PIKFYVE: variants seen among roughly 807,000 people sequenced by gnomAD.
The protein encoded by PIKFYVE is 1-phosphatidylinositol 3-phosphate 5-kinase.
Under a neutral mutation model 257.9 loss-of-function variants are expected in PIKFYVE, and 122 were observed. The ratio of observed to expected loss-of-function variants is 0.47; its 90% confidence interval spans 0.41 to 0.55. PIKFYVE has a LOEUF of 0.55. Among genes scored for constraint, PIKFYVE ranks in the 20% least tolerant of loss-of-function variants. PIKFYVE has a pLI of 0.00. For synonymous variants in PIKFYVE, 892 were observed against 868.9 expected, an observed-to-expected ratio of 1.03 and a Z score of -0.47; for missense variants, 2,160 against 2,536.6, an observed-to-expected ratio of 0.85 and a Z score of 3.19.
In PIKFYVE at chr2:208,321,057, A is replaced by G. The variant is rs118078222; in HGVS notation, c.2190+698A>G. Among the ~76,000 whole-genome samples the G allele has an allele frequency of 2.6e-4, 39 of 152,318 alleles. 1 individual carries two copies. In the East Asian group the frequency reaches 7.3e-3, roughly 29 times the overall value. ...CTTGAGGCAGCCTCATGCCATATGA[A>G]GCTCTCTGCCTGGGCTCTCCATGAT... is the stretch of plus-strand genomic sequence containing the variant. On this transcript the variant is annotated intron_variant, in intron 17 of 41. Transcript: ENST00000264380.
At chr2:208,349,632 G>C (rs529276636) in intron 35 of PIKFYVE, among the ~76,000 whole-genome samples, 2 of 151,378 alleles carry the variant, frequency 1.3e-5, no homozygotes, top group African/African-American at 4.8e-5. Flanking sequence ...ATATAGCTTA[G>C]TACATGATAA....
At position 208,325,875 on chromosome 2, in the gene PIKFYVE, G is replaced by A; in HGVS notation, c.3064G>A (p.Asp1022Asn). Residue 1022 changes from aspartate (D) to asparagine (N), a missense_variant, in exon 20 of 42, where the codon GAC becomes AAC. Coordinates refer to ENST00000264380, the MANE Select transcript of PIKFYVE (RefSeq NM_015040.4). ...IRAFRDPLQD[D>N]TGLYVTEEVT... ...AGCCTTTAGAGACCCTCTACAGGATGACACTGGATTATATGTTACTGAGGA... is the reference window on the plus strand; with the variant it reads ...AGCCTTTAGAGACCCTCTACAGGATAACACTGGATTATATGTTACTGAGGA... The A allele has an allele frequency of 6.2e-7, 1 of 1,614,064 alleles. No individual in the cohort carries two copies. Among genetic ancestry groups the A allele is most frequent in the Non-Finnish European group, 8.5e-7 (1 of 1,179,968 alleles).
At chr2:208,271,268 G>T (rs1574386390) in intron 1 of PIKFYVE, among the ~76,000 whole-genome samples, 1 of 152,176 alleles carries the variant, frequency 6.6e-6, no homozygotes, top group East Asian at 1.9e-4. Context: ...TCTATAATTT[G>T]AATAGTAATG....
intron 7 of PIKFYVE, among the ~76,000 whole-genome samples, chr2:208,293,891 T>G (rs1692633246): frequency 6.6e-6 from 1 of 152,164 alleles, no homozygotes; most frequent in Non-Finnish European, 1.5e-5. Context: ...GTTTTGCCTA[T>G]GTGTAGTTTT....
chr2:208,342,433 T>G, intron 31 of PIKFYVE, 121 bp from the exon 32 acceptor site: 1 of 740,312 alleles, frequency 1.4e-6, no homozygotes, highest in Non-Finnish European at 2.2e-6. Flanking sequence ...AAACTTTCTC[T>G]TGAAATCTTT....
chr2:208,350,515 C>G (rs1559176011), intron 36 of PIKFYVE, among the ~76,000 whole-genome samples: 1 of 151,546 alleles, frequency 6.6e-6, no homozygotes, highest in Non-Finnish European at 1.5e-5. Context: ...AGAACTGAGT[C>G]TTTTTTTTAT....
intron 5 of PIKFYVE, among the ~76,000 whole-genome samples, chr2:208,278,654 C>T (rs551683077): frequency 3.3e-5 from 5 of 152,130 alleles, no homozygotes; most frequent in South Asian, 2.1e-4. Context: ...TGAGAGCTTG[C>T]GGCATTTGGT....
intron 38 of PIKFYVE, among the ~76,000 whole-genome samples, 172 bp downstream of exon 38, chr2:208,351,627 A>T (rs1169032361): frequency 6.6e-6 from 1 of 152,164 alleles, no homozygotes; most frequent in African/African-American, 2.4e-5. Context: ...TATACAAAGC[A>T]TAGTGCTGGC....
intron 17 of PIKFYVE, among the ~76,000 whole-genome samples, chr2:208,322,142 G>A (rs1045922258): frequency 6.6e-6 from 1 of 152,112 alleles, no homozygotes; most frequent in African/African-American, 2.4e-5. Context: ...CACTTTTGGA[G>A]CTGAAGGCAG....
At position 208,285,857 on chromosome 2, in the gene PIKFYVE, A is replaced by T; in HGVS notation, c.745A>T (p.Ser249Cys). ...TTGCTCTGTGTCTGTGCTTGATCCA[A>T]GTGAACCCCGAACACCTGTTGGGAG... ...SACSVSVLDPSEPRTPVGSRK... is the reference protein window; with the variant it reads ...SACSVSVLDPCEPRTPVGSRK... Residue 249 changes from serine to cysteine, a missense_variant, in exon 6 of 42, where the codon AGT becomes TGT. This residue lies in a region of PIKFYVE where 187 missense variants were observed against 185.6 expected (regional missense o/e 1.01). Coordinates refer to ENST00000264380, the MANE Select transcript of PIKFYVE (RefSeq NM_015040.4). 1 of 1,614,148 alleles carries T rather than the reference A, an allele frequency of 6.2e-7. No homozygotes were observed. Among genetic ancestry groups the T allele is most frequent in the African/African-American group, 1.3e-5 (1 of 75,038 alleles).
chr2:208,337,525 ATC>A (rs1351471583), intron 28 of PIKFYVE, among the ~76,000 whole-genome samples: 2 of 151,362 alleles, frequency 1.3e-5, no homozygotes, highest in Non-Finnish European at 2.9e-5. Context: ...ATAGATCTAT[ATC>A]TATCTATAGA....
chr2:208,268,373 T>C (rs1288661324), intron 1 of PIKFYVE, among the ~76,000 whole-genome samples: 2 of 152,074 alleles, frequency 1.3e-5, no homozygotes, highest in East Asian at 3.9e-4. Context: ...GTAGGCTGTT[T>C]TCCAGGGGTG....
rs776186847 is a variant in PIKFYVE, at chr2:208,335,287, C to G, written c.4143-19C>G. ...AAGCTATTTTTCATTTTCTATTGGTCCTTGTATTTTCTTCTCAGTTATTCT... is the reference window on the plus strand; with the variant it reads ...AAGCTATTTTTCATTTTCTATTGGTGCTTGTATTTTCTTCTCAGTTATTCT... On this transcript the variant is annotated intron_variant, in intron 24 of 41. Coordinates refer to ENST00000264380, the MANE Select transcript of PIKFYVE (RefSeq NM_015040.4). 10 of 1,483,950 alleles carry G rather than the reference C, an allele frequency of 6.7e-6. No individual in the cohort carries two copies. Among genetic ancestry groups the G allele is most frequent in the Non-Finnish European group, 8.5e-6 (9 of 1,061,908 alleles). 91.9% of individuals were successfully genotyped at this position (1,483,950 alleles called of 1,614,324 possible).
chr2:208,326,132 C>T lies in PIKFYVE; in HGVS notation c.3321C>T (p.Leu1107=). Reference sequence around the variant, plus strand: ...AGAACAGGAGGAAGAAACAGCTGCTCAGGGATCTCTCTGGACTTCAGGGCA... The same window carrying T: ...AGAACAGGAGGAAGAAACAGCTGCTTAGGGATCTCTCTGGACTTCAGGGCA... ...EMENRRKKQL[L]RDLSGLQGMN... is the part of the protein sequence containing the mutation. The change falls in exon 20 of 42, where the codon CTC becomes CTT. Residue 1107 remains leucine, a synonymous_variant. Coordinates refer to ENST00000264380, the MANE Select transcript of PIKFYVE (RefSeq NM_015040.4). 6.2e-7 allele frequency: 1 copy of T among 1,614,118 alleles called. No individual in the cohort carries two copies. The highest frequency in any genetic ancestry group is 2.2e-5 in the East Asian group (1 of 44,880).
chr2:208,300,934 C>T lies in PIKFYVE; in HGVS notation c.1051-3C>T, dbSNP rs1309283128. ...TAACTACTTGCTGTTAATGTGATTG[C>T]AGGACAGTGTGCAGTTAAAAGACCT... On this transcript the variant is annotated splice_region_variant and splice_polypyrimidine_tract_variant and intron_variant, in intron 8 of 41. Transcript: ENST00000264380. 6.8e-6 allele frequency: 11 copies of T among 1,613,944 alleles called. No individual in the cohort carries two copies. Among genetic ancestry groups the T allele is most frequent in the African/African-American group, 1.3e-5 (1 of 74,992 alleles).
In PIKFYVE at chr2:208,326,194, T is replaced by A. The variant is rs1217680982; in HGVS notation, c.3383T>A (p.Leu1128Ter). 1 of 1,608,116 alleles carries A rather than the reference T, an allele frequency of 6.2e-7. No homozygotes were observed. ...GSIQAKSIQV[L>*]PSHELVSTRI... ...ATTCAGGCCAAGTCTATTCAAGTCT[T>A]ACCCTCACATGAGCTAGTGAGCACT... The change falls in exon 20 of 42, where the codon TTA (leucine) becomes TAA (stop). Residue 1128 changes from leucine to a stop codon, truncating the protein, a stop_gained. Coordinates refer to ENST00000264380, the MANE Select transcript of PIKFYVE (RefSeq NM_015040.4). LOFTEE classifies it high-confidence loss of function.
intron 2 of PIKFYVE, among the ~76,000 whole-genome samples, chr2:208,272,207 C>G (rs1015612065): frequency 2.0e-5 from 3 of 151,536 alleles, no homozygotes; most frequent in Non-Finnish European, 4.4e-5. Context: ...TGTACTCCAG[C>G]CTGGGTGACA....
intron 5 of PIKFYVE, among the ~76,000 whole-genome samples, chr2:208,282,422 G>T (rs1047581046): frequency 3.9e-5 from 6 of 152,184 alleles, no homozygotes; most frequent in African/African-American, 7.2e-5. Flanking sequence ...CATTTATATA[G>T]AGAGAAATTT....
At chr2:208,283,828 C>T (rs1448128922) in intron 5 of PIKFYVE, among the ~76,000 whole-genome samples, 1 of 152,166 alleles carries the variant, frequency 6.6e-6, no homozygotes, top group African/African-American at 2.4e-5. Context: ...AAGCAGTCCG[C>T]CTGCCTTGGC....
Sources: gnomAD v4.1 joint callset for allele counts (sites outside exome capture counted in the v4.1 genomes callset) on GRCh38, gnomAD v4.1.1 for gene constraint, gnomAD v4.1.1 regional missense constraint, MANE v1.5 for transcripts, NCBI Gene and HGNC (gene_info 2026-07-23, HGNC 2026-07-21) for gene names.